COL5A1: variants seen among roughly 807,000 people sequenced by gnomAD.
COL5A1 encodes collagen type V alpha 1 chain.
Under a neutral mutation model 263.7 loss-of-function variants are expected in COL5A1, and 16 were observed. That is an observed-to-expected ratio of 0.06 (90% CI 0.04 to 0.09). The LOEUF is 0.09. Among genes scored for constraint, COL5A1 ranks in the 10% least tolerant of loss-of-function variants. The pLI is 1.00. For synonymous variants in COL5A1, 1,012 were observed against 1,004.5 expected, an observed-to-expected ratio of 1.01 and a Z score of -0.14; for missense variants, 2,036 against 2,540.5, an observed-to-expected ratio of 0.80 and a Z score of 4.27.
chr9:134,718,418 G>A (rs1422685271), intron 4 of COL5A1, among the ~76,000 whole-genome samples: 3 of 152,260 alleles, frequency 2.0e-5, no homozygotes, highest in Non-Finnish European at 2.9e-5. Context: ...AGCGAGGGAT[G>A]GCATGAAAAC....
intron 4 of COL5A1, among the ~76,000 whole-genome samples, chr9:134,719,491 GCAAGCGGGCCATGGGCCTA>G (rs1360615826): frequency 1.3e-5 from 2 of 152,252 alleles, no homozygotes; most frequent in Non-Finnish European, 2.9e-5. Context: ...CGCTTGGCCT[GCAAGCGGGCCATGGGCCTA>G]CAAGTGTGGG....
chr9:134,721,365 C>A (rs1052898931), intron 4 of COL5A1, among the ~76,000 whole-genome samples: 4 of 151,876 alleles, frequency 2.6e-5, no homozygotes, highest in African/African-American at 7.3e-5. Flanking sequence ...CTGCCCAGGA[C>A]CCCCCATGAC....
At chr9:134,769,051 G>A (rs1281266182) in intron 25 of COL5A1, among the ~76,000 whole-genome samples, 2 of 152,198 alleles carry the variant, frequency 1.3e-5, no homozygotes, top group Non-Finnish European at 2.9e-5. Flanking sequence ...ATGAGTGTGA[G>A]CTGATTTGCA....
At chr9:134,793,141 C>T (rs1837778315) in intron 32 of COL5A1, among the ~76,000 whole-genome samples, 1 of 151,844 alleles carries the variant, frequency 6.6e-6, no homozygotes. Flanking sequence ...CCTCGGGCCT[C>T]GGGCCAAGGA....
In COL5A1 at chr9:134,680,195, G is replaced by A. The variant is rs889946313; in HGVS notation, c.110-10717G>A. ...AGCCATGAACAAGCGCAGTGCCTCT[G>A]GGTACCTCAGAGCCCACTCAGGGCA... On this transcript the variant is annotated intron_variant, in intron 1 of 65. Coordinates refer to ENST00000371817, the MANE Select transcript of COL5A1 (RefSeq NM_000093.5). The surrounding 1 kb of genome is among the most constrained non-coding windows in gnomAD (Gnocchi z 5.9). Among the ~76,000 whole-genome samples the A allele has an allele frequency of 4.6e-5, 7 of 152,314 alleles. No individual in the cohort carries two copies. Among genetic ancestry groups the A allele is most frequent in the African/African-American group, 1.4e-4 (6 of 41,564 alleles).
At chr9:134,814,712 G>T in intron 49 of COL5A1, 85 bp from the exon 50 acceptor site, 1 of 1,001,206 alleles carries the variant, frequency 1.0e-6, no homozygotes. Flanking sequence ...GGTCTGAATG[G>T]GGTGAGAAAA....
chr9:134,711,811 C>T (rs2132598285), intron 4 of COL5A1, among the ~76,000 whole-genome samples: 1 of 152,156 alleles, frequency 6.6e-6, no homozygotes, highest in African/African-American at 2.4e-5. Flanking sequence ...CCCCGCTCTT[C>T]AGTCACATCT....
At chr9:134,801,558 G>C (rs1004851688) in intron 37 of COL5A1, among the ~76,000 whole-genome samples, 1 of 152,228 alleles carries the variant, frequency 6.6e-6, no homozygotes, top group Admixed American at 6.5e-5. Flanking sequence ...GGAGGCTGAG[G>C]CAGGTGGATC....
At chr9:134,721,449 C>T (rs976512064) in intron 4 of COL5A1, among the ~76,000 whole-genome samples, 12 of 152,140 alleles carry the variant, frequency 7.9e-5, no homozygotes, top group African/African-American at 1.9e-4. Flanking sequence ...ATCACTATCT[C>T]GTCTCTGCTC....
rs1410334742 is a variant in COL5A1 at position 134,731,480 on chromosome 9, T to TC, written c.1165-14dup. On this transcript the variant is annotated splice_polypyrimidine_tract_variant and intron_variant, in intron 7 of 65. Transcript: ENST00000371817. Reference sequence around the variant, plus strand: ...GCGTTTGCGAGGCAACCCTGCGCCTTCCTCTCCCTCTGCAGCCAGCTCCGC... The same window carrying TC: ...GCGTTTGCGAGGCAACCCTGCGCCTTCCCTCTCCCTCTGCAGCCAGCTCCGC... The TC allele has an allele frequency of 1.2e-6, 2 of 1,613,742 alleles. No individual in the cohort carries two copies. The highest frequency in any genetic ancestry group is 2.7e-5 in the African/African-American group (2 of 74,932).
At position 134,754,604 on chromosome 9, in the gene COL5A1, C is replaced by T. The variant is rs553364006; in HGVS notation, c.1827+278C>T. 6.6e-6 allele frequency among the ~76,000 whole-genome samples: 1 copy of T among 152,360 alleles called. No individual in the cohort carries two copies. The highest frequency in any genetic ancestry group is 2.1e-4 in the South Asian group (1 of 4,832). On this transcript the variant is annotated intron_variant, in intron 16 of 65. Transcript: ENST00000371817. The surrounding 1 kb of genome is among the most constrained non-coding windows in gnomAD (Gnocchi z 4.3). ...TCTAATTCAAGAAACTTCCCAGGCC[C>T]TTTGGGAGCAAATGTTAAGAAGACA...
intron 1 of COL5A1, among the ~76,000 whole-genome samples, chr9:134,646,283 T>C (rs1831472293): frequency 6.6e-6 from 1 of 152,122 alleles, no homozygotes; most frequent in Non-Finnish European, 1.5e-5. Flanking sequence ...TGCTGGGTCT[T>C]GCATCCGACA....
intron 27 of COL5A1, among the ~76,000 whole-genome samples, chr9:134,777,640 T>C (rs1337167334): frequency 6.6e-6 from 1 of 152,126 alleles, no homozygotes; most frequent in African/African-American, 2.4e-5. Context: ...ACGGTAGAAC[T>C]GTAGGACCGA....
intron 65 of COL5A1, among the ~76,000 whole-genome samples, chr9:134,836,013 T>G (rs7031092): frequency 0.11 from 17,221 of 152,206 alleles, 2,499 homozygotes; most frequent in African/African-American, 0.33. Context: ...TCGCTGAGAA[T>G]TCCAGCCTGT....
chr9:134,731,446 G>A (rs1189221937), intron 7 of COL5A1, 50 bp from the exon 8 acceptor site: 3 of 1,599,904 alleles, frequency 1.9e-6, no homozygotes, highest in Middle Eastern at 1.7e-4. Flanking sequence ...TGGAGAGGCA[G>A]TGCCTGGTGC....
intron 42 of COL5A1, among the ~76,000 whole-genome samples, chr9:134,806,641 G>A (rs892414758): frequency 2.0e-5 from 3 of 152,228 alleles, no homozygotes; most frequent in Non-Finnish European, 4.4e-5. Flanking sequence ...CAGTCAGTGC[G>A]CTGTGGACTT....
At chr9:134,732,713 G>A (rs113038907) in intron 9 of COL5A1, 2,521 of 177,720 alleles carry the variant, frequency 0.014, 58 homozygotes, top group East Asian at 0.051. Flanking sequence ...ATGAGATCAC[G>A]GGTGAGTTCA....
chr9:134,751,477 C>G (rs1354542458), intron 13 of COL5A1, among the ~76,000 whole-genome samples: 1 of 152,170 alleles, frequency 6.6e-6, no homozygotes, highest in South Asian at 2.1e-4. Flanking sequence ...GAGCTGGGCT[C>G]CTCTGGGAGA....
Position 134,811,617 on chromosome 9 carries a change from A to ACCACAC in COL5A1, c.3690+20_3690+25dup. The ACCACAC allele has an allele frequency of 6.6e-7, 1 of 1,521,690 alleles. No homozygotes were observed. The highest frequency in any genetic ancestry group is 8.9e-7 in the Non-Finnish European group (1 of 1,119,740). The allele number at this position is 1,521,690 out of a possible 1,614,324, so 94.3% of individuals were successfully genotyped here. A position where few individuals can be genotyped will look rare whatever the true frequency, so the allele number is the denominator to read the frequency against. Reference sequence around the variant, plus strand: ...GGCTGCAGGTAACTGTGGGGTTCTCACCACACCGGGCTCCTCCGCTTCTGA... The same window carrying ACCACAC: ...GGCTGCAGGTAACTGTGGGGTTCTCACCACACCCACACCGGGCTCCTCCGCTTCTGA... On this transcript the variant is annotated intron_variant, in intron 46 of 65. Coordinates refer to ENST00000371817, the MANE Select transcript of COL5A1 (RefSeq NM_000093.5).
Sources: gnomAD v4.1 joint callset for allele counts (sites outside exome capture counted in the v4.1 genomes callset) on GRCh38, gnomAD v4.1.1 for gene constraint, Gnocchi (gnomAD v3.1) non-coding constraint, MANE v1.5 for transcripts, NCBI Gene and HGNC (gene_info 2026-07-23, HGNC 2026-07-21) for gene names.